Variants in SIRT4 observed in about 807,000 individuals in gnomAD.
The protein encoded by SIRT4 is sirtuin 4.
Under a neutral mutation model 26.1 loss-of-function variants are expected in SIRT4, and 23 were observed. The ratio of observed to expected loss-of-function variants is 0.88; its 90% CI spans 0.63 to 1.25. The LOEUF is 1.25. SIRT4 is among the 50% of genes most tolerant of loss of function. The pLI is 0.00. For synonymous variants in SIRT4, 155 were observed against 158.4 expected (o/e 0.98, Z 0.16); for missense variants, 361 against 405.4 (o/e 0.89, Z 0.94).
At chr12:120,292,232 G>C in the SIRT4 span, among the ~76,000 whole-genome samples, 1 of 152,320 alleles carries the variant, frequency 6.6e-6, no homozygotes, top group African/African-American at 2.4e-5. Flanking sequence ...CGGACGACTA[G>C]CTGTGCTCGA....
chr12:120,304,369 G>T (rs960923272), intron 2 of SIRT4, among the ~76,000 whole-genome samples: 1 of 152,190 alleles, frequency 6.6e-6, no homozygotes, highest in East Asian at 1.9e-4. Context: ...GAGGACTGGG[G>T]CCGGGCGCAG....
the SIRT4 span, among the ~76,000 whole-genome samples, chr12:120,292,912 C>T: frequency 2.0e-5 from 3 of 152,192 alleles, no homozygotes; most frequent in Non-Finnish European, 4.4e-5. Flanking sequence ...TCAGCAACTC[C>T]AACTTTCATA....
the SIRT4 span, among the ~76,000 whole-genome samples, chr12:120,292,407 C>A: frequency 6.6e-6 from 1 of 152,058 alleles, no homozygotes; most frequent in Non-Finnish European, 1.5e-5. Context: ...TCAAGACCAG[C>A]CTGGACAAGA....
chr12:120,293,085 A>G, the SIRT4 span: 10 of 79,808 alleles, frequency 1.3e-4, no homozygotes, highest in Non-Finnish European at 2.1e-4. Flanking sequence ...GTTCAACTGC[A>G]AGAAAATTCA....
chr12:120,308,994 C>G (rs961829305), intron 2 of SIRT4, among the ~76,000 whole-genome samples: 1 of 152,010 alleles, frequency 6.6e-6, no homozygotes, highest in East Asian at 1.9e-4. Context: ...CATGGAGAAA[C>G]CCTGTCACTA....
chr12:120,309,827 T>A (rs1008813907), intron 2 of SIRT4, among the ~76,000 whole-genome samples: 3 of 151,214 alleles, frequency 2.0e-5, no homozygotes, highest in African/African-American at 4.9e-5. Flanking sequence ...GCAATTCTCC[T>A]GTCTCAACCT....
chr12:120,303,317 TA>T (rs371917998), intron 1 of SIRT4, among the ~76,000 whole-genome samples: 3 of 151,372 alleles, frequency 2.0e-5, no homozygotes, highest in South Asian at 4.2e-4. Context: ...CTGCCTCTAC[TA>T]AAAATACAAT....
At chr12:120,296,507 T>A in the SIRT4 span, among the ~76,000 whole-genome samples, 1 of 107,340 alleles carries the variant, frequency 9.3e-6, no homozygotes, top group African/African-American at 3.4e-5. Flanking sequence ...GTTTTGTGTT[T>A]TTTTTTTTGT....
At chr12:120,295,572 A>G in the SIRT4 span, among the ~76,000 whole-genome samples, 1 of 151,242 alleles carries the variant, frequency 6.6e-6, no homozygotes, top group Non-Finnish European at 1.5e-5. Flanking sequence ...CCTGTTTTCT[A>G]TTCTTTGGTG....
chr12:120,311,557 C>T (rs528407224), intron 2 of SIRT4, among the ~76,000 whole-genome samples: 37 of 150,278 alleles, frequency 2.5e-4, no homozygotes, highest in Middle Eastern at 6.8e-3. Context: ...CATGGAGAAA[C>T]CCCGTCTCTA....
At chr12:120,306,890 G>T (rs1566464341) in intron 2 of SIRT4, among the ~76,000 whole-genome samples, 1 of 152,190 alleles carries the variant, frequency 6.6e-6, no homozygotes, top group Non-Finnish European at 1.5e-5. Flanking sequence ...AATAGCATGT[G>T]CTATAAACTG....
chr12:120,298,249 C>T (rs954029439), upstream of SIRT4, among the ~76,000 whole-genome samples: 2 of 151,402 alleles, frequency 1.3e-5, no homozygotes, highest in African/African-American at 2.4e-5. Flanking sequence ...TGAGTTTCCC[C>T]GCCTAGTAGA....
chr12:120,301,610 G>T (rs554164686), upstream of SIRT4, among the ~76,000 whole-genome samples: 2 of 151,986 alleles, frequency 1.3e-5, no homozygotes, highest in Non-Finnish European at 2.9e-5. Flanking sequence ...GACCAGCCTG[G>T]CCAACATGGT....
chr12:120,296,348 G>C, the SIRT4 span, among the ~76,000 whole-genome samples: 1 of 151,716 alleles, frequency 6.6e-6, no homozygotes. Context: ...CTCCCGAGTA[G>C]CTGGGACTAC....
chr12:120,308,415 C>T (rs1395648348), intron 2 of SIRT4, among the ~76,000 whole-genome samples: 2 of 151,982 alleles, frequency 1.3e-5, no homozygotes, highest in African/African-American at 2.4e-5. Context: ...CCTCGTGATC[C>T]GCCTGCCTCG....
chr12:120,298,625 G>C (rs1400883792), upstream of SIRT4, among the ~76,000 whole-genome samples: 1 of 151,842 alleles, frequency 6.6e-6, no homozygotes, highest in Non-Finnish European at 1.5e-5. Context: ...AATAATTAAA[G>C]TGGCAGGGCG....
At chr12:120,299,709 C>T (rs1476476881), upstream of SIRT4, among the ~76,000 whole-genome samples, 1 of 152,118 alleles carries the variant, frequency 6.6e-6, no homozygotes, top group Admixed American at 6.6e-5. Flanking sequence ...TGCAAAATCA[C>T]ATTAAACTTG....
intron 2 of SIRT4, among the ~76,000 whole-genome samples, chr12:120,311,999 T>C (rs1222016712): frequency 1.3e-5 from 2 of 150,436 alleles, no homozygotes; most frequent in Non-Finnish European, 3.0e-5. Flanking sequence ...AGGAAATTGA[T>C]GGGCTGGGCG....
chr12:120,299,071 A>T (rs1013229661), upstream of SIRT4, among the ~76,000 whole-genome samples: 1 of 150,230 alleles, frequency 6.7e-6, no homozygotes, highest in African/African-American at 2.4e-5. Context: ...CTAAAAAAAA[A>T]ATACAAAAAA....
Sources: gnomAD v4.1 joint callset for allele counts (sites outside exome capture counted in the v4.1 genomes callset) on GRCh38, gnomAD v4.1.1 for gene constraint, MANE v1.5 for transcripts, NCBI Gene and HGNC (gene_info 2026-07-23, HGNC 2026-07-21) for gene names.